LRP1B: variants seen among roughly 807,000 people sequenced by gnomAD.
LRP1B encodes LDL receptor related protein 1B, also known as low-density lipoprotein receptor-related protein 1B.
LRP1B carries 217 observed loss-of-function variants against 556.6 expected under a neutral mutation model. The ratio of observed to expected loss-of-function variants is 0.39; its 90% confidence interval spans 0.35 to 0.44. LRP1B has a LOEUF of 0.44. Ranked by LOEUF, LRP1B falls within the 20% of genes least tolerant of loss-of-function variation. The probability of loss-of-function intolerance (pLI) is 1.00; values close to 1 mark genes in which losing one functional copy is unlikely to be tolerated. For missense variants in LRP1B, 5,053 were observed against 5,620.8 expected, an observed-to-expected ratio of 0.90 and a Z score of 3.23; for synonymous variants, 2,047 against 1,865.8, an observed-to-expected ratio of 1.10 and a Z score of -2.50.
At chr2:140,626,242 C>A (rs1683652781) in intron 41 of LRP1B, among the ~76,000 whole-genome samples, 1 of 152,100 alleles carries the variant, frequency 6.6e-6, no homozygotes, top group Non-Finnish European at 1.5e-5. Flanking sequence ...AGGCAGAGCA[C>A]AGATACATTT....
intron 27 of LRP1B, among the ~76,000 whole-genome samples, chr2:140,852,819 ATGTTCCT>A (rs1692500292): frequency 1.3e-5 from 2 of 151,916 alleles, no homozygotes; most frequent in African/African-American, 4.8e-5. Flanking sequence ...TTTGAATTTT[ATGTTCCT>A]TGTTCTGTCA....
chr2:141,431,171 T>C (rs1680549026), intron 3 of LRP1B, among the ~76,000 whole-genome samples: 1 of 76,296 alleles, frequency 1.3e-5, no homozygotes, highest in Non-Finnish European at 3.0e-5. Context: ...ATAAATGAAA[T>C]AGATTACCAT....
intron 18 of LRP1B, among the ~76,000 whole-genome samples, chr2:140,963,917 T>C (rs1267470410): frequency 2.0e-5 from 3 of 151,902 alleles, no homozygotes; most frequent in East Asian, 1.9e-4. Context: ...AGTGTAGAAA[T>C]AAAGACACAA....
intron 58 of LRP1B, 116 bp downstream of exon 58, chr2:140,487,501 G>T (rs1231968620): frequency 7.4e-6 from 7 of 952,048 alleles, no homozygotes; most frequent in Non-Finnish European, 1.1e-5. Context: ...ATGTGAAATT[G>T]AAACCACCCT....
At chr2:141,971,510 A>T (rs1701731569) in intron 1 of LRP1B, among the ~76,000 whole-genome samples, 1 of 151,246 alleles carries the variant, frequency 6.6e-6, no homozygotes, top group South Asian at 2.1e-4. Flanking sequence ...TTTAATTTTG[A>T]ATTTAGCTTC....
intron 1 of LRP1B, among the ~76,000 whole-genome samples, chr2:141,935,327 C>G (rs957496545): frequency 6.6e-6 from 1 of 151,824 alleles, no homozygotes; most frequent in Admixed American, 6.6e-5. Context: ...CCACATGTGA[C>G]CAAAAAGTAT....
chr2:140,858,242 C>T (rs1350413906), intron 27 of LRP1B, among the ~76,000 whole-genome samples: 1 of 151,948 alleles, frequency 6.6e-6, no homozygotes, highest in Non-Finnish European at 1.5e-5. Context: ...ATGTAATGTG[C>T]AGACACTGAG....
At chr2:141,327,880 G>GAC (rs1687484978) in intron 3 of LRP1B, among the ~76,000 whole-genome samples, 1 of 91,066 alleles carries the variant, frequency 1.1e-5, no homozygotes, top group African/African-American at 6.3e-5. Context: ...AAGAGTGAGA[G>GAC]AGAGAGAGAG....
chr2:141,966,925 G>A (rs774504807), intron 1 of LRP1B, among the ~76,000 whole-genome samples: 1 of 151,788 alleles, frequency 6.6e-6, no homozygotes, highest in African/African-American at 2.4e-5. Flanking sequence ...GTTCAGGATG[G>A]TGCTGGCTTC....
chr2:141,654,298 A>G (rs1312839015), intron 2 of LRP1B, among the ~76,000 whole-genome samples: 1 of 152,206 alleles, frequency 6.6e-6, no homozygotes, highest in Non-Finnish European at 1.5e-5. Flanking sequence ...GTGTTTTACA[A>G]GAAGTTGAAA....
At chr2:140,592,005 A>T (rs1682246502) in intron 43 of LRP1B, among the ~76,000 whole-genome samples, 1 of 152,198 alleles carries the variant, frequency 6.6e-6, no homozygotes, top group African/African-American at 2.4e-5. Context: ...CAGCTGTCAC[A>T]TTCATGATGA....
chr2:141,443,078 C>T (rs1681046589), intron 3 of LRP1B, among the ~76,000 whole-genome samples: 1 of 152,178 alleles, frequency 6.6e-6, no homozygotes, highest in Non-Finnish European at 1.5e-5. Context: ...TCTCCACATC[C>T]TCTCCAGCAT....
chr2:140,525,995 TAGA>T lies in LRP1B; in HGVS notation c.7877-5_7877-3del, dbSNP rs1350319649. On this transcript the variant is annotated splice_region_variant and splice_polypyrimidine_tract_variant and intron_variant, in intron 48 of 90. Coordinates refer to ENST00000389484, the MANE Select transcript of LRP1B (RefSeq NM_018557.3). Reference sequence around the variant, plus strand: ...AGAAATGTGTGCAGTCTGTGTTATCTAGAAGAAGGTAAACAAAAAATGAAAAAG... The same window carrying T: ...AGAAATGTGTGCAGTCTGTGTTATCTAGAAGGTAAACAAAAAATGAAAAAG... The T allele has an allele frequency of 6.2e-7, 1 of 1,611,090 alleles. No homozygotes were observed. The highest frequency in any genetic ancestry group is 1.1e-5 in the South Asian group (1 of 90,848).
chr2:141,886,572 G>C (rs1337024650), intron 1 of LRP1B, among the ~76,000 whole-genome samples: 3 of 151,962 alleles, frequency 2.0e-5, no homozygotes, highest in African/African-American at 7.3e-5. Context: ...GAAATCTCTT[G>C]GTATCTAAAT....
At chr2:141,903,745 G>A (rs1014684572) in intron 1 of LRP1B, among the ~76,000 whole-genome samples, 3 of 151,862 alleles carry the variant, frequency 2.0e-5, no homozygotes, top group African/African-American at 7.3e-5. Context: ...ACAGATTTGG[G>A]GTTGGGAGTT....
intron 35 of LRP1B, among the ~76,000 whole-genome samples, chr2:140,734,222 G>A (rs1028621337): frequency 1.3e-5 from 2 of 152,086 alleles, no homozygotes; most frequent in African/African-American, 2.4e-5. Context: ...AAAGTAAGAA[G>A]AAATGCACAT....
intron 24 of LRP1B, 47 bp downstream of exon 24, chr2:140,886,091 A>G (rs1254652629): frequency 8.2e-7 from 1 of 1,215,676 alleles, no homozygotes; most frequent in Non-Finnish European, 1.1e-6. Context: ...TTGAATTTTC[A>G]CTTAAAAAAG....
intron 2 of LRP1B, among the ~76,000 whole-genome samples, chr2:141,621,458 T>C (rs1688502077): frequency 6.6e-6 from 1 of 152,172 alleles, no homozygotes; most frequent in African/African-American, 2.4e-5. Context: ...TTATCATCAG[T>C]GTTACATAAG....
intron 2 of LRP1B, among the ~76,000 whole-genome samples, chr2:141,689,025 C>T (rs1691416430): frequency 6.6e-6 from 1 of 151,846 alleles, no homozygotes. Flanking sequence ...ACTGCAGATG[C>T]TATCAATTAA....
Sources: allele counts gnomAD v4.1 joint callset (sites outside exome capture counted in the v4.1 genomes callset), GRCh38; gene constraint gnomAD v4.1.1; transcripts MANE v1.5; gene names NCBI Gene and HGNC (gene_info 2026-07-23, HGNC 2026-07-21).